The following TMC1 variants were observed in gnomAD, a reference collection of about 807,000 sequenced individuals.
TMC1 encodes transmembrane channel like 1, also known as transmembrane channel-like protein 1.
A neutral mutation model predicts 105.8 loss-of-function variants in TMC1; 84 were observed. The observed-to-expected ratio is 0.79, with a 90% CI of 0.67 to 0.95. The LOEUF (loss-of-function observed/expected upper bound fraction) is 0.95. Ranked by LOEUF, TMC1 falls within the 40% of genes least tolerant of loss-of-function variation. The pLI is 0.00. For synonymous variants in TMC1, 315 were observed against 311.5 expected, an observed-to-expected ratio of 1.01 and a Z score of -0.12; for missense variants, 817 against 914.1, an observed-to-expected ratio of 0.89 and a Z score of 1.37.
At chr9:72,795,104 A>G (rs1202613447) in intron 17 of TMC1, among the ~76,000 whole-genome samples, 1 of 152,246 alleles carries the variant, frequency 6.6e-6, no homozygotes, top group Admixed American at 6.5e-5. Context: ...CGGGAAGAAC[A>G]AAACCTCCAA....
chr9:72,747,383 T>C (rs947182187), intron 10 of TMC1, among the ~76,000 whole-genome samples: 2 of 152,214 alleles, frequency 1.3e-5, no homozygotes, highest in African/African-American at 4.8e-5. Context: ...ATTTATCTGC[T>C]TGTCTTATTA....
At chr9:72,606,772 C>G (rs1824921196) in intron 2 of TMC1, among the ~76,000 whole-genome samples, 1 of 152,022 alleles carries the variant, frequency 6.6e-6, no homozygotes, top group Admixed American at 6.6e-5. Flanking sequence ...GTAGTTGACT[C>G]CAGCCTCTGG....
intron 13 of TMC1, among the ~76,000 whole-genome samples, chr9:72,779,481 T>A (rs1018114332): frequency 6.6e-6 from 1 of 152,150 alleles, no homozygotes; most frequent in African/African-American, 2.4e-5. Flanking sequence ...TGAGATTTAG[T>A]AGGAAGTTAA....
chr9:72,529,878 G>C (rs897623358), intron 1 of TMC1, among the ~76,000 whole-genome samples: 1 of 152,162 alleles, frequency 6.6e-6, no homozygotes, highest in Non-Finnish European at 1.5e-5. Flanking sequence ...AATCAGGAAA[G>C]ATTGAAGACT....
Position 72,682,246 on chromosome 9 carries a change from G to C in TMC1, c.17-6463G>C, listed in dbSNP as rs187551144. On this transcript the variant is annotated intron_variant, in intron 5 of 23. Coordinates refer to ENST00000297784, the MANE Select transcript of TMC1 (RefSeq NM_138691.3). ...TGTGCCCTCTGGTTTTCACAAAACT[G>C]GTCTTAAGGAAGATAAGATACTGGT... Among the ~76,000 whole-genome samples the C allele has an allele frequency of 1.2e-4, 19 of 152,198 alleles. No homozygotes were observed. The East Asian group carries it at 3.7e-3, about 29-fold the overall frequency.
chr9:72,713,107 C>T (rs1045795341), intron 8 of TMC1, among the ~76,000 whole-genome samples: 1 of 152,192 alleles, frequency 6.6e-6, no homozygotes, highest in Non-Finnish European at 1.5e-5. Context: ...ACCAGCCTTG[C>T]ATCCCCAGGA....
intron 2 of TMC1, among the ~76,000 whole-genome samples, chr9:72,596,349 G>T (rs561363521): frequency 6.6e-6 from 1 of 152,244 alleles, no homozygotes; most frequent in East Asian, 1.9e-4. Context: ...GAACAATTCA[G>T]TGTTCCAGTC....
At chr9:72,651,982 C>T (rs1385589911) in intron 5 of TMC1, among the ~76,000 whole-genome samples, 1 of 152,084 alleles carries the variant, frequency 6.6e-6, no homozygotes, top group East Asian at 1.9e-4. Context: ...ATTTAGCTCC[C>T]AATTGTGAGT....
At chr9:72,617,423 A>G (rs1162427765) in intron 3 of TMC1, among the ~76,000 whole-genome samples, 1 of 152,046 alleles carries the variant, frequency 6.6e-6, no homozygotes, top group Non-Finnish European at 1.5e-5. Flanking sequence ...CAGCCTCCCA[A>G]AATGCTGGGA....
At chr9:72,600,478 C>A (rs1824789539) in intron 2 of TMC1, among the ~76,000 whole-genome samples, 1 of 152,070 alleles carries the variant, frequency 6.6e-6, no homozygotes, top group South Asian at 2.1e-4. Flanking sequence ...AGTTTTTCTA[C>A]CATATCTTTG....
At chr9:72,662,535 A>T (rs1024414040) in intron 5 of TMC1, among the ~76,000 whole-genome samples, 3 of 151,944 alleles carry the variant, frequency 2.0e-5, no homozygotes, top group African/African-American at 7.3e-5. Context: ...TTGGCTGCTT[A>T]TTCTGCCCTG....
intron 21 of TMC1, among the ~76,000 whole-genome samples, chr9:72,829,467 T>C (rs1480932062): frequency 6.6e-6 from 1 of 152,162 alleles, no homozygotes; most frequent in African/African-American, 2.4e-5. Flanking sequence ...ATCCAGGAAC[T>C]TTTCTAAGAA....
intron 13 of TMC1, among the ~76,000 whole-genome samples, chr9:72,787,884 T>G (rs1481520618): frequency 6.6e-6 from 1 of 152,158 alleles, no homozygotes; most frequent in Admixed American, 6.5e-5. Context: ...TTTGCCTGGT[T>G]TAGTCCATCC....
chr9:72,675,481 G>T (rs1045658187), intron 5 of TMC1, among the ~76,000 whole-genome samples: 2 of 152,148 alleles, frequency 1.3e-5, no homozygotes, highest in Non-Finnish European at 2.9e-5. Flanking sequence ...AAAAGCACCT[G>T]CGTGTATTTG....
chr9:72,787,320 T>A (rs1828183179), intron 13 of TMC1, among the ~76,000 whole-genome samples: 1 of 152,164 alleles, frequency 6.6e-6, no homozygotes, highest in Non-Finnish European at 1.5e-5. Flanking sequence ...AATTTTTCCT[T>A]ACATGCTAGC....
intron 5 of TMC1, among the ~76,000 whole-genome samples, chr9:72,654,485 T>C (rs1365984822): frequency 6.6e-6 from 1 of 152,136 alleles, no homozygotes; most frequent in Non-Finnish European, 1.5e-5. Context: ...TGGTATATTA[T>C]CTATAAATTC....
intron 10 of TMC1, among the ~76,000 whole-genome samples, chr9:72,748,968 A>G (rs772280851): frequency 5.9e-5 from 9 of 152,184 alleles, no homozygotes; most frequent in African/African-American, 1.4e-4. Flanking sequence ...TACACTTAAG[A>G]TTCTGTAAAG....
intron 5 of TMC1, among the ~76,000 whole-genome samples, chr9:72,658,012 A>G (rs1339373856): frequency 2.0e-5 from 3 of 152,160 alleles, no homozygotes; most frequent in Non-Finnish European, 4.4e-5. Context: ...ATCAATGCAG[A>G]TTCATATCTA....
At chr9:72,528,879 T>C (rs568766973) in intron 1 of TMC1, among the ~76,000 whole-genome samples, 1 of 152,214 alleles carries the variant, frequency 6.6e-6, no homozygotes, top group South Asian at 2.1e-4. Context: ...CAGTTGACCC[T>C]CTGTATCCCT....
Sources: allele counts gnomAD v4.1 joint callset (sites outside exome capture counted in the v4.1 genomes callset), GRCh38; gene constraint gnomAD v4.1.1; transcripts MANE v1.5; gene names NCBI Gene and HGNC (gene_info 2026-07-23, HGNC 2026-07-21).